The following ABCB1 variants were observed in gnomAD, a reference collection of about 807,000 sequenced individuals.
ABCB1 encodes ATP binding cassette subfamily B member 1.
In ABCB1, 69 loss-of-function variants were observed where a neutral mutation model predicts 142.0. The ratio of observed to expected loss-of-function variants is 0.49; its 90% CI spans 0.40 to 0.59. The LOEUF is 0.59. Ranked by LOEUF, ABCB1 falls within the 20% of genes least tolerant of loss-of-function variation. The probability of loss-of-function intolerance (pLI) is 0.00; values close to 1 mark genes in which losing one functional copy is unlikely to be tolerated. For missense variants in ABCB1, 1,326 were observed against 1,554.7 expected (o/e 0.85, Z 2.47); for synonymous variants, 532 against 539.2 (o/e 0.99, Z 0.18).
intron 20 of ABCB1, among the ~76,000 whole-genome samples, chr7:87,535,695 T>C (rs1478781935): frequency 1.3e-5 from 2 of 152,204 alleles, no homozygotes; most frequent in Admixed American, 6.5e-5. Flanking sequence ...GCTTAATTTA[T>C]TCTTAAAGAA....
intron 20 of ABCB1, 146 bp from the exon 21 acceptor site, chr7:87,531,643 T>C (rs943833464): frequency 2.7e-6 from 2 of 729,404 alleles, no homozygotes; most frequent in Admixed American, 2.6e-5. Flanking sequence ...TGTAAGTTTA[T>C]TGAGTTTCTA....
At chr7:87,654,142 T>G (rs1823847428) in intron 1 of ABCB1, among the ~76,000 whole-genome samples, 1 of 152,036 alleles carries the variant, frequency 6.6e-6, no homozygotes, top group African/African-American at 2.4e-5. Context: ...GTTAAAATGT[T>G]TATATTAACA....
intron 1 of ABCB1, among the ~76,000 whole-genome samples, chr7:87,669,292 G>T (rs986505998): frequency 6.6e-6 from 1 of 151,976 alleles, no homozygotes; most frequent in Non-Finnish European, 1.5e-5. Context: ...AATTCAGATT[G>T]CAATCCCTTC....
intron 1 of ABCB1, among the ~76,000 whole-genome samples, chr7:87,632,265 G>A (rs1821299046): frequency 1.3e-5 from 2 of 152,128 alleles, no homozygotes; most frequent in Non-Finnish European, 1.5e-5. Context: ...TATGTTTAAA[G>A]CTTTATTCAA....
At chr7:87,559,595 C>A (rs1216054110) in intron 8 of ABCB1, among the ~76,000 whole-genome samples, 1 of 151,880 alleles carries the variant, frequency 6.6e-6, no homozygotes, top group South Asian at 2.1e-4. Context: ...ATTTTTCTTT[C>A]CCTAACTTCT....
chr7:87,532,480 C>G (rs1019330360), intron 20 of ABCB1, among the ~76,000 whole-genome samples: 5 of 152,186 alleles, frequency 3.3e-5, no homozygotes, highest in Non-Finnish European at 7.3e-5. Context: ...AAAGTGACCT[C>G]TGGTTGTTCT....
chr7:87,529,749 C>T (rs1227982482), intron 21 of ABCB1, among the ~76,000 whole-genome samples: 2 of 152,150 alleles, frequency 1.3e-5, no homozygotes, highest in Non-Finnish European at 2.9e-5. Context: ...TATATTTTGT[C>T]CTAGATTTTT....
chr7:87,701,751 A>G (rs1829056264), intron 1 of ABCB1, among the ~76,000 whole-genome samples: 1 of 152,218 alleles, frequency 6.6e-6, no homozygotes, highest in Admixed American at 6.5e-5. Context: ...GATTTTCTTC[A>G]TATACTTCAA....
intron 1 of ABCB1, chr7:87,700,507 A>G (rs1828938711): frequency 3.1e-6 from 5 of 1,613,514 alleles, no homozygotes; most frequent in Non-Finnish European, 4.2e-6. Flanking sequence ...ACAGAATTGT[A>G]TCTGCAGCAT....
chr7:87,699,079 T>C (rs184907474), intron 1 of ABCB1, among the ~76,000 whole-genome samples: 1 of 152,180 alleles, frequency 6.6e-6, no homozygotes, highest in Admixed American at 6.5e-5. Flanking sequence ...GTTACACTAA[T>C]GTTCTGCCAT....
At chr7:87,600,602 C>A (rs1257202046) in intron 1 of ABCB1, among the ~76,000 whole-genome samples, 153 bp downstream of exon 1, 2 of 152,200 alleles carry the variant, frequency 1.3e-5, no homozygotes, top group African/African-American at 4.8e-5. Context: ...GAGTCTAGAT[C>A]TAACCCCACT....
chr7:87,675,653 C>CAAAAAAAAAAAAAAAAAAAAAAAAAAAAA (rs200136132), intron 1 of ABCB1, among the ~76,000 whole-genome samples: 1 of 65,852 alleles, frequency 1.5e-5, no homozygotes, highest in African/African-American at 5.8e-5. Flanking sequence ...TATTCACATG[C>CAAAAAAAAAAAAAAAAAAAAAAAAAAAAA]AAAAAAAAAA....
intron 2 of ABCB1, among the ~76,000 whole-genome samples, chr7:87,596,662 C>T (rs538042815): frequency 5.9e-5 from 9 of 152,116 alleles, no homozygotes; most frequent in South Asian, 4.1e-4. Context: ...ATTTTTTACA[C>T]GGTTTTTAAG....
intron 7 of ABCB1, among the ~76,000 whole-genome samples, chr7:87,563,867 C>T (rs1026580766): frequency 6.6e-6 from 1 of 152,104 alleles, no homozygotes; most frequent in Non-Finnish European, 1.5e-5. Flanking sequence ...TTTGCAGGGA[C>T]ATGGATGGAG....
At position 87,625,745 on chromosome 7, in the gene ABCB1, T is replaced by C. The variant is rs1481910736; in HGVS notation, c.-330-24667A>G. Among the ~76,000 whole-genome samples the C allele has an allele frequency of 3.3e-5, 5 of 152,082 alleles. 1 individual carries two copies. On this transcript the variant is annotated intron_variant, in intron 1 of 28. Coordinates refer to the ABCB1 transcript ENST00000265724. ...TAGCTCCTAGGAAAAGAAGACTCTT[T>C]ATAAGCCTCCGTGTCACAGGAGAGC...
Position 87,585,192 on chromosome 7 carries a change from T to C in ABCB1, c.286+320A>G, listed in dbSNP as rs4728706. 3.7e-3 allele frequency among the ~76,000 whole-genome samples: 560 copies of C among 152,292 alleles called. 9 individuals carry two copies. The East Asian group carries it at 0.055, about 15-fold the overall frequency. On this transcript the variant is annotated intron_variant, in intron 4 of 27. Transcript: ENST00000622132. The stretch of plus-strand genomic sequence containing the variant: ...CACCCATGTTCAATCTGTTAGGAAA[T>C]CTCACAACAGATTCCTACTTATCAT...
chr7:87,522,095 G>A, intron 21 of ABCB1: 1 of 1,251,238 alleles, frequency 8.0e-7, no homozygotes, highest in Non-Finnish European at 1.2e-6. Context: ...AGTTTCGGTG[G>A]GAATGACAAC....
chr7:87,580,423 T>C (rs1375131635), intron 4 of ABCB1, among the ~76,000 whole-genome samples: 1 of 152,222 alleles, frequency 6.6e-6, no homozygotes, highest in East Asian at 1.9e-4. Context: ...CTTCCAGACA[T>C]GTTGGAGCTC....
intron 8 of ABCB1, among the ~76,000 whole-genome samples, chr7:87,558,271 T>C (rs969512461): frequency 6.6e-6 from 1 of 152,226 alleles, no homozygotes; most frequent in Non-Finnish European, 1.5e-5. Context: ...GCACTGACTG[T>C]TAGGTTTATT....
Sources: allele counts gnomAD v4.1 joint callset (sites outside exome capture counted in the v4.1 genomes callset), GRCh38; gene constraint gnomAD v4.1.1; transcripts MANE v1.5; gene names NCBI Gene and HGNC (gene_info 2026-07-23, HGNC 2026-07-21).